TUSC3: variants seen among roughly 807,000 people sequenced by gnomAD.
TUSC3 encodes the protein dolichyl-diphosphooligosaccharide--protein glycosyltransferase subunit TUSC3.
TUSC3 carries 45 observed loss-of-function variants against 44.8 expected under a neutral mutation model. The observed-to-expected ratio is 1.00, with a 90% CI of 0.79 to 1.29. The LOEUF (loss-of-function observed/expected upper bound fraction) is 1.29, where lower values mean the gene tolerates loss of function less well. Ranked by LOEUF, TUSC3 falls within the 50% of genes most tolerant of loss-of-function variation. The pLI is 0.00. For missense variants in TUSC3, 519 were observed against 437.9 expected, an observed-to-expected ratio of 1.19 and a Z score of -1.65; for synonymous variants, 212 against 152.9, an observed-to-expected ratio of 1.39 and a Z score of -2.85.
At chr8:15,446,662 G>A (rs1800107843) in intron 1 of TUSC3, among the ~76,000 whole-genome samples, 1 of 150,064 alleles carries the variant, frequency 6.7e-6, no homozygotes, top group Non-Finnish European at 1.5e-5. Context: ...GTTGCAGTGA[G>A]CCGAGATGGT....
intron 2 of TUSC3, among the ~76,000 whole-genome samples, chr8:15,523,660 ATATATGTGTGTGTGTG>A (rs1356848928): frequency 1.2e-4 from 2 of 16,396 alleles, no homozygotes; most frequent in African/African-American, 4.6e-4. Context: ...ATATATATAT[ATATATGTGTGTGTGTG>A]TGTGTGTGTG....
chr8:15,589,710 T>A (rs1168167783), intron 1 of TUSC3, among the ~76,000 whole-genome samples: 1 of 142,988 alleles, frequency 7.0e-6, no homozygotes, highest in African/African-American at 2.5e-5. Flanking sequence ...TCTGATTATT[T>A]TGTTTTTTGT....
chr8:15,797,368 T>A, the TUSC3 span, among the ~76,000 whole-genome samples: 1 of 152,246 alleles, frequency 6.6e-6, no homozygotes, highest in East Asian at 1.9e-4. Flanking sequence ...TTTTTTGGCT[T>A]TGAGGTCTGA....
chr8:15,420,767 C>G (rs1799728994), intron 1 of TUSC3, among the ~76,000 whole-genome samples: 1 of 152,094 alleles, frequency 6.6e-6, no homozygotes, highest in Non-Finnish European at 1.5e-5. Context: ...TTCCCTGTCT[C>G]TTCAGTGATG....
At chr8:15,652,185 C>T (rs950145863) in intron 3 of TUSC3, among the ~76,000 whole-genome samples, 9 of 152,176 alleles carry the variant, frequency 5.9e-5, no homozygotes, top group South Asian at 4.1e-4. Flanking sequence ...TTGATCTTTT[C>T]GGGTATCTTG....
chr8:15,548,293 G>T lies in TUSC3; in HGVS notation c.138+7725G>T, dbSNP rs576775256. ...TGGTTTGGTTTAAGTATTGAGAGAAGCTGGGACACTTGCCAGCCCTAAGCA... is the reference window on the plus strand; with the variant it reads ...TGGTTTGGTTTAAGTATTGAGAGAATCTGGGACACTTGCCAGCCCTAAGCA... On this transcript the variant is annotated intron_variant, in intron 1 of 10. Coordinates refer to ENST00000503731, the MANE Select transcript of TUSC3 (RefSeq NM_006765.4). 1.0e-3 allele frequency among the ~76,000 whole-genome samples: 157 copies of T among 151,980 alleles called. 5 individuals carry two copies. The highest frequency in any genetic ancestry group is 6.8e-3 in the Middle Eastern group (2 of 294).
intron 2 of TUSC3, among the ~76,000 whole-genome samples, chr8:15,513,409 T>C (rs566729805): frequency 6.6e-6 from 1 of 152,284 alleles, no homozygotes; most frequent in Non-Finnish European, 1.5e-5. Flanking sequence ...ATTTGCTGGA[T>C]ATAAATTGAG....
At chr8:15,696,692 G>C (rs1809183039) in intron 6 of TUSC3, among the ~76,000 whole-genome samples, 1 of 152,198 alleles carries the variant, frequency 6.6e-6, no homozygotes, top group Non-Finnish European at 1.5e-5. Flanking sequence ...GGTTCAGTTA[G>C]CTAGCATCTT....
intron 1 of TUSC3, among the ~76,000 whole-genome samples, chr8:15,449,103 A>G (rs74400624): frequency 6.6e-6 from 1 of 152,310 alleles, no homozygotes; most frequent in African/African-American, 2.4e-5. Flanking sequence ...TGTAGCCTGT[A>G]TATGGTCATT....
chr8:15,546,327 A>C (rs1236883246), intron 1 of TUSC3, among the ~76,000 whole-genome samples: 1 of 151,730 alleles, frequency 6.6e-6, no homozygotes, highest in Non-Finnish European at 1.5e-5. Context: ...GTTTTTATCT[A>C]ATCACTTGCC....
intron 2 of TUSC3, among the ~76,000 whole-genome samples, chr8:15,645,366 C>T (rs1033876336): frequency 3.9e-5 from 6 of 152,086 alleles, no homozygotes; most frequent in African/African-American, 1.2e-4. Flanking sequence ...CCTTACTTTT[C>T]TCTCCCTGTC....
intron 1 of TUSC3, among the ~76,000 whole-genome samples, chr8:15,544,539 T>C (rs1442114833): frequency 1.3e-5 from 2 of 151,854 alleles, no homozygotes; most frequent in Non-Finnish European, 2.9e-5. Flanking sequence ...ATAAAACATA[T>C]TTCAATTGCC....
intron 9 of TUSC3, 125 bp downstream of exon 9, chr8:15,748,590 A>G (rs766116882): frequency 7.8e-6 from 7 of 896,564 alleles, no homozygotes; most frequent in Non-Finnish European, 1.3e-5. Context: ...CAGTTAAGCA[A>G]GTTTTTGAGC....
intron 1 of TUSC3, among the ~76,000 whole-genome samples, chr8:15,543,528 A>G (rs564026006): frequency 6.6e-6 from 1 of 152,296 alleles, no homozygotes; most frequent in African/African-American, 2.4e-5. Flanking sequence ...AAATATAAAT[A>G]TAATACCCAT....
intron 1 of TUSC3, among the ~76,000 whole-genome samples, chr8:15,440,744 C>G (rs546310540): frequency 6.6e-6 from 1 of 152,156 alleles, no homozygotes; most frequent in Non-Finnish European, 1.5e-5. Flanking sequence ...CTATGATATT[C>G]TTCAGGAAAC....
At chr8:15,656,611 C>G (rs1807177620) in intron 3 of TUSC3, among the ~76,000 whole-genome samples, 1 of 145,406 alleles carries the variant, frequency 6.9e-6, no homozygotes, top group Admixed American at 6.8e-5. Context: ...TATAGCTTTG[C>G]CAGGCCCAAG....
chr8:15,604,006 A>G (rs927126557), intron 1 of TUSC3, among the ~76,000 whole-genome samples: 7 of 151,654 alleles, frequency 4.6e-5, no homozygotes, highest in Non-Finnish European at 3.0e-5. Context: ...CTATGTGACC[A>G]TTATTAAGAG....
chr8:15,663,278 TATAG>T (rs1304410263), intron 5 of TUSC3, among the ~76,000 whole-genome samples: 1 of 150,910 alleles, frequency 6.6e-6, no homozygotes, highest in East Asian at 2.0e-4. Context: ...CTGTATATCT[TATAG>T]ATAAGTATTG....
chr8:15,512,834 G>C lies in TUSC3; in HGVS notation n.189+29351G>C, dbSNP rs7460639. Among the ~76,000 whole-genome samples, 4 of 78,992 alleles carry C rather than the reference G, an allele frequency of 5.1e-5. 1 individual carries two copies. The highest frequency in any genetic ancestry group is 2.8e-4 in the Admixed American group (2 of 7,214). The allele number at this position is 78,992 out of a possible 152,430, so 51.8% of individuals were successfully genotyped here. A position where few individuals can be genotyped will look rare whatever the true frequency, so the allele number is the denominator to read the frequency against. On this transcript the variant is annotated intron_variant and non_coding_transcript_variant, in intron 2 of 5. Transcript: ENST00000503191. ...TCTGTCTTGGGGTGTGTGTGTGTGT[G>C]TATATATATTTGTGTGTGTGTGTAT...
Sources: gnomAD v4.1 joint callset for allele counts (sites outside exome capture counted in the v4.1 genomes callset) on GRCh38, gnomAD v4.1.1 for gene constraint, MANE v1.5 for transcripts, NCBI Gene and HGNC (gene_info 2026-07-23, HGNC 2026-07-21) for gene names.